ZSCAN22: variants seen among roughly 807,000 people sequenced by gnomAD.
ZSCAN22 encodes the protein zinc finger and SCAN domain-containing protein 22.
ZSCAN22 carries 7 observed loss-of-function variants against 12.4 expected under a neutral mutation model. That is an observed-to-expected ratio of 0.57 (90% CI 0.32 to 1.06). The LOEUF (loss-of-function observed/expected upper bound fraction) is 1.06, where lower values mean the gene tolerates loss of function less well. Among genes scored for constraint, ZSCAN22 ranks in the 50% least tolerant of loss-of-function variants. The pLI, the probability that ZSCAN22 is intolerant of heterozygous loss-of-function variation, is 0.04. For synonymous variants in ZSCAN22, 243 were observed against 255.9 expected (o/e 0.95, Z 0.48); for missense variants, 576 against 631.7 (o/e 0.91, Z 0.94).
intron 1 of ZSCAN22, among the ~76,000 whole-genome samples, chr19:58,328,726 G>C (rs558492738): frequency 6.6e-6 from 1 of 152,250 alleles, no homozygotes; most frequent in Admixed American, 6.5e-5. Flanking sequence ...CTCCAGAACA[G>C]GTGTTCCAGG....
intron 2 of ZSCAN22, among the ~76,000 whole-genome samples, chr19:58,336,520 G>C (rs1347964376): frequency 2.0e-5 from 3 of 152,102 alleles, no homozygotes; most frequent in African/African-American, 7.2e-5. Flanking sequence ...TTTCTGGATA[G>C]AGGAAGGAAG....
At chr19:58,332,564 C>T (rs888193124) in intron 1 of ZSCAN22, among the ~76,000 whole-genome samples, 4 of 152,104 alleles carry the variant, frequency 2.6e-5, no homozygotes, top group Admixed American at 6.6e-5. Flanking sequence ...TGTGAGCCAC[C>T]GTGCCCTGCC....
Position 58,331,199 on chromosome 19 carries a change from A to G in ZSCAN22, c.-51-3553A>G, listed in dbSNP as rs1040515783. Among the ~76,000 whole-genome samples, 8 of 151,780 alleles carry G rather than the reference A, an allele frequency of 5.3e-5. 1 individual carries two copies. Among genetic ancestry groups the G allele is most frequent in the African/African-American group, 1.7e-4 (7 of 41,258 alleles). ...ACTTAAATAAGGGAGAGAACACCCAACAATTATCAAATGCACTTTTTTTTT... is the reference window on the plus strand; with the variant it reads ...ACTTAAATAAGGGAGAGAACACCCAGCAATTATCAAATGCACTTTTTTTTT... On this transcript the variant is annotated intron_variant, in intron 1 of 2. Transcript: ENST00000329665.
intron 1 of ZSCAN22, among the ~76,000 whole-genome samples, chr19:58,330,647 C>A (rs1178507506): frequency 1.3e-5 from 2 of 152,208 alleles, no homozygotes; most frequent in Non-Finnish European, 2.9e-5. Flanking sequence ...CTTTCCCCAA[C>A]TTGGAAAATG....
At position 58,338,389 on chromosome 19, in the gene ZSCAN22, C is replaced by T; in HGVS notation, c.539C>T (p.Pro180Leu). 6.2e-7 allele frequency: 1 copy of T among 1,614,180 alleles called. No homozygotes were observed. The highest frequency in any genetic ancestry group is 8.5e-7 in the Non-Finnish European group (1 of 1,180,024). ...LGPAFVKACE[P>L]EGSSERSGLS... ...CCCGCCTTTGTCAAGGCATGTGAACCTGAGGGCAGCTCAGAGAGGTCTGGA... is the reference window on the plus strand; with the variant it reads ...CCCGCCTTTGTCAAGGCATGTGAACTTGAGGGCAGCTCAGAGAGGTCTGGA... Residue 180 changes from proline to leucine, a missense_variant, in exon 3 of 3, where the codon CCT (proline) becomes CTT (leucine). By Grantham distance (98) the Pro-to-Leu change is moderately conservative. Coordinates refer to ENST00000329665, the MANE Select transcript of ZSCAN22 (RefSeq NM_181846.3). The surrounding 1 kb of genome is among the most constrained non-coding windows in gnomAD (Gnocchi z 5.4).
intron 1 of ZSCAN22, among the ~76,000 whole-genome samples, chr19:58,330,690 A>G (rs2051712782): frequency 6.6e-6 from 1 of 152,222 alleles, no homozygotes; most frequent in Non-Finnish European, 1.5e-5. Flanking sequence ...GGGTGGAGCT[A>G]AGGCTTGAAT....
Position 58,329,420 on chromosome 19 carries a change from G to A in ZSCAN22, c.-52+2306G>A, listed in dbSNP as rs1220325046. Among the ~76,000 whole-genome samples the A allele has an allele frequency of 3.3e-5, 5 of 152,230 alleles. No homozygotes were observed. Among genetic ancestry groups the A allele is most frequent in the African/African-American group, 9.6e-5 (4 of 41,460 alleles). On this transcript the variant is annotated intron_variant, in intron 1 of 2. Transcript: ENST00000329665. This position sits in a 1 kb window ranked among gnomAD's most constrained non-coding sequence, Gnocchi z 4.1. ...CCAAATACTTAAAACTGTGGGAGTC[G>A]TGGATGGGAGAGGGAGAGGCTAAGT...
At position 58,338,123 on chromosome 19, in the gene ZSCAN22, C is replaced by T. The variant is rs746764210; in HGVS notation, c.404-131C>T. 1 of 794,088 alleles carries T rather than the reference C, an allele frequency of 1.3e-6. No individual in the cohort carries two copies. The highest frequency in any genetic ancestry group is 2.1e-5 in the South Asian group (1 of 47,244). 49.2% of individuals were successfully genotyped at this position (794,088 alleles called of 1,614,324 possible). The stretch of plus-strand genomic sequence containing the variant: ...ATCCAAGACACCAAATGAGAAACTT[C>T]CCCTTGGAACTGGGGCCAGATGTTA... On this transcript the variant is annotated intron_variant, in intron 2 of 2. Transcript: ENST00000329665. This position sits in a 1 kb window ranked among gnomAD's most constrained non-coding sequence, Gnocchi z 5.4.
rs1487894839 is a variant in ZSCAN22, at chr19:58,335,624, C to A, written c.403+419C>A. On this transcript the variant is annotated intron_variant, in intron 2 of 2. Transcript: ENST00000329665. This position sits in a 1 kb window ranked among gnomAD's most constrained non-coding sequence, Gnocchi z 4.1. Reference sequence around the variant, plus strand: ...CCCGGGGTAATAACAATAAGAGGTCCCTGGTCTGAGCCCCCACTGGCCTGG... The same window carrying A: ...CCCGGGGTAATAACAATAAGAGGTCACTGGTCTGAGCCCCCACTGGCCTGG... Among the ~76,000 whole-genome samples, 2 of 152,174 alleles carry A rather than the reference C, an allele frequency of 1.3e-5. No individual in the cohort carries two copies. The highest frequency in any genetic ancestry group is 2.4e-5 in the African/African-American group (1 of 41,446).
Position 58,335,607 on chromosome 19 carries a change from A to G in ZSCAN22, c.403+402A>G, listed in dbSNP as rs954626106. ...CTTACCAATGTAGAAACCCCGGGGT[A>G]ATAACAATAAGAGGTCCCTGGTCTG... On this transcript the variant is annotated intron_variant, in intron 2 of 2. Coordinates refer to ENST00000329665, the MANE Select transcript of ZSCAN22 (RefSeq NM_181846.3). The surrounding 1 kb of genome is among the most constrained non-coding windows in gnomAD (Gnocchi z 4.1). Among the ~76,000 whole-genome samples, 1 of 152,206 alleles carries G rather than the reference A, an allele frequency of 6.6e-6. No individual in the cohort carries two copies. The highest frequency in any genetic ancestry group is 1.5e-5 in the Non-Finnish European group (1 of 68,026).
In ZSCAN22 at chr19:58,338,163, C is replaced by A; in HGVS notation, c.404-91C>A. The A allele has an allele frequency of 8.3e-7, 1 of 1,210,340 alleles. No homozygotes were observed. The highest frequency in any genetic ancestry group is 2.4e-5 in the East Asian group (1 of 42,178). The allele number at this position is 1,210,340 out of a possible 1,614,324, so 75.0% of individuals were successfully genotyped here. ...GCCAGATGTTAGGAACGGGCCACAT[C>A]TCCCCTTACAAAGTGTGACCGGGGC... On this transcript the variant is annotated intron_variant, in intron 2 of 2. Transcript: ENST00000329665. The surrounding 1 kb of genome is among the most constrained non-coding windows in gnomAD (Gnocchi z 5.4).
intron 2 of ZSCAN22, among the ~76,000 whole-genome samples, chr19:58,337,896 G>A (rs375552175): frequency 4.6e-5 from 7 of 152,184 alleles, no homozygotes; most frequent in African/African-American, 1.7e-4. Context: ...GCCTGCAGGG[G>A]TGCATGTGCT....
intron 1 of ZSCAN22, among the ~76,000 whole-genome samples, chr19:58,331,942 C>T (rs1041100061): frequency 5.9e-5 from 9 of 152,042 alleles, no homozygotes; most frequent in Non-Finnish European, 8.8e-5. Context: ...GGCAGAATCT[C>T]GGCTTACTGC....
At position 58,339,360 on chromosome 19, in the gene ZSCAN22, C is replaced by T; in HGVS notation, c.*34C>T. ...CGCCCCTGGGGGCGTAGCACAGCGT[C>T]TTCTCGGAGGCTCGAGGTCTAAGAG... is the stretch of plus-strand genomic sequence containing the variant. On this transcript the variant is annotated 3_prime_UTR_variant, in exon 3 of 3. Transcript: ENST00000329665. This position sits in a 1 kb window ranked among gnomAD's most constrained non-coding sequence, Gnocchi z 5.6. The T allele has an allele frequency of 6.5e-7, 1 of 1,539,560 alleles. No homozygotes were observed. The highest frequency in any genetic ancestry group is 2.3e-5 in the East Asian group (1 of 44,206).
Position 58,335,748 on chromosome 19 carries a change from TG to T in ZSCAN22, c.403+547del, listed in dbSNP as rs1208145641. Among the ~76,000 whole-genome samples, 1 of 152,210 alleles carries T rather than the reference TG, an allele frequency of 6.6e-6. No individual in the cohort carries two copies. The highest frequency in any genetic ancestry group is 2.4e-5 in the African/African-American group (1 of 41,452). ...GAAACCAGACGAGGGCCTGGGTGCC[TG>T]GGGTGGCTGTTGGGGGTGACGGAAA... On this transcript the variant is annotated intron_variant, in intron 2 of 2. Transcript: ENST00000329665. This position sits in a 1 kb window ranked among gnomAD's most constrained non-coding sequence, Gnocchi z 4.1.
chr19:58,332,710 G>A (rs2051742190), intron 1 of ZSCAN22, among the ~76,000 whole-genome samples: 1 of 152,178 alleles, frequency 6.6e-6, no homozygotes, highest in South Asian at 2.1e-4. Flanking sequence ...TTCATCAGGT[G>A]GACATTTGGA....
intron 1 of ZSCAN22, 157 bp from the exon 2 acceptor site, chr19:58,334,595 C>T (rs1172408516): frequency 3.4e-6 from 2 of 583,898 alleles, no homozygotes; most frequent in Non-Finnish European, 6.0e-6. Flanking sequence ...GAACAGTGCT[C>T]AGCACCAAGT....
chr19:58,332,623 T>C (rs1378627219), intron 1 of ZSCAN22, among the ~76,000 whole-genome samples: 1 of 152,212 alleles, frequency 6.6e-6, no homozygotes, highest in Non-Finnish European at 1.5e-5. Context: ...TTCATCCATG[T>C]TGTAGCATTA....
intron 1 of ZSCAN22, among the ~76,000 whole-genome samples, chr19:58,331,770 C>T (rs2051729742): frequency 6.6e-6 from 1 of 151,376 alleles, no homozygotes; most frequent in Non-Finnish European, 1.5e-5. Context: ...TGGTCTCGAT[C>T]TCTTGACCTT....
Sources: gnomAD v4.1 joint callset for allele counts (sites outside exome capture counted in the v4.1 genomes callset) on GRCh38, gnomAD v4.1.1 for gene constraint, Gnocchi (gnomAD v3.1) non-coding constraint, MANE v1.5 for transcripts, NCBI Gene and HGNC (gene_info 2026-07-23, HGNC 2026-07-21) for gene names.